SIRT2: variants seen among roughly 807,000 people sequenced by gnomAD.
The protein encoded by SIRT2 is sirtuin 2, also known as NAD-dependent protein deacetylase sirtuin-2.
SIRT2 carries 40 observed loss-of-function variants against 57.4 expected under a neutral mutation model. That is an observed-to-expected ratio of 0.70 (90% CI 0.54 to 0.91). SIRT2 has a LOEUF of 0.91. Ranked by LOEUF, SIRT2 falls within the 40% of genes least tolerant of loss-of-function variation. The probability of loss-of-function intolerance (pLI) is 0.00; values close to 1 mark genes in which losing one functional copy is unlikely to be tolerated. For synonymous variants in SIRT2, 161 were observed against 195.7 expected (o/e 0.82, Z 1.48); for missense variants, 439 against 510.4 (o/e 0.86, Z 1.35).
Position 38,889,113 on chromosome 19 carries a change from C to T in SIRT2, c.475G>A (p.Gly159Arg), listed in dbSNP as rs1316970707. 1 of 1,612,998 alleles carries T rather than the reference C, an allele frequency of 6.2e-7. No homozygotes were observed. Among genetic ancestry groups the T allele is most frequent in the Non-Finnish European group, 8.5e-7 (1 of 1,180,022 alleles). The change falls in exon 8 of 16, where the codon GGG becomes AGG. Residue 159 changes from glycine (G) to arginine (R), a missense_variant. Gly to Arg is a moderately radical substitution (Grantham distance 125). Coordinates refer to ENST00000249396, the MANE Select transcript of SIRT2 (RefSeq NM_012237.4). ...TGCGTGTAGCAGCGCAGGAGTAGCC[C>T]CTTGTCCTTCAGCAGGCGCATGAAG... is the stretch of plus-strand genomic sequence containing the variant. ...HYFMRLLKDK[G>R]LLLRCYTQNI...
chr19:38,884,452 G>GTT (rs1568398270), intron 8 of SIRT2, among the ~76,000 whole-genome samples: 1 of 151,686 alleles, frequency 6.6e-6, no homozygotes, highest in African/African-American at 2.4e-5. Flanking sequence ...TTGTTTGTTT[G>GTT]TTTGTTTGTT....
In SIRT2 at chr19:38,880,140, G is replaced by A. The variant is rs1274006349; in HGVS notation, c.877-438C>T. 5.2e-6 allele frequency: 1 copy of A among 190,966 alleles called. No individual in the cohort carries two copies. The allele number at this position is 190,966 out of a possible 1,614,324, so 11.8% of individuals were successfully genotyped here. On this transcript the variant is annotated intron_variant, in intron 13 of 15. Coordinates refer to ENST00000249396, the MANE Select transcript of SIRT2 (RefSeq NM_012237.4). The surrounding 1 kb of genome is among the most constrained non-coding windows in gnomAD (Gnocchi z 4.1). The stretch of plus-strand genomic sequence containing the variant: ...GCGCCCAGCCAGCTCAGTGACTTTG[G>A]TCAAGTGACTTGTCCTCTCTGTGTC...
intron 2 of SIRT2, chr19:38,894,964 C>T: frequency 4.4e-6 from 2 of 455,572 alleles, no homozygotes; most frequent in Admixed American, 4.7e-5. Flanking sequence ...CCTACTATGT[C>T]CCAAATGGAC....
chr19:38,886,244 T>A (rs1973333252), intron 8 of SIRT2, among the ~76,000 whole-genome samples: 1 of 152,164 alleles, frequency 6.6e-6, no homozygotes, highest in African/African-American at 2.4e-5. Context: ...AGAGTCACTG[T>A]CACTGTTCCC....
chr19:38,881,316 G>T, intron 10 of SIRT2, 116 bp downstream of exon 10: 2 of 1,197,080 alleles, frequency 1.7e-6, no homozygotes, highest in Non-Finnish European at 1.2e-6. Flanking sequence ...CTGGGGCACT[G>T]TTCAGAGAGA....
intron 1 of SIRT2, 125 bp downstream of exon 1, chr19:38,899,379 CAG>C: frequency 9.3e-7 from 1 of 1,071,208 alleles, no homozygotes; most frequent in Non-Finnish European, 1.4e-6. Context: ...CAACAGCCCT[CAG>C]AATCCCACTC....
At chr19:38,898,773 T>G in intron 1 of SIRT2, 1 of 234,260 alleles carries the variant, frequency 4.3e-6, no homozygotes, top group Non-Finnish European at 8.3e-6. Context: ...GCATGAGCCA[T>G]TGTTTCTGGC....
At chr19:38,895,197 G>A (rs1029024344) in intron 2 of SIRT2, among the ~76,000 whole-genome samples, 5 of 151,768 alleles carry the variant, frequency 3.3e-5, no homozygotes, top group African/African-American at 1.2e-4. Context: ...TCTCCTCCGG[G>A]GGTCCTGCCC....
In SIRT2 at chr19:38,899,573, C is replaced by A. The variant is rs1002030777; in HGVS notation, c.-52G>T. 6.2e-7 allele frequency: 1 copy of A among 1,613,080 alleles called. No individual in the cohort carries two copies. Among genetic ancestry groups the A allele is most frequent in the Non-Finnish European group, 8.5e-7 (1 of 1,179,322 alleles). On this transcript the variant is annotated 5_prime_UTR_variant, in exon 1 of 16. Coordinates refer to ENST00000249396, the MANE Select transcript of SIRT2 (RefSeq NM_012237.4). ...TGTCACCGACCGCTCTGTCCCGTCA[C>A]CAACCACTGTGTCCCGTCACCGACT...
At chr19:38,892,530 C>T (rs964507598) in intron 4 of SIRT2, among the ~76,000 whole-genome samples, 33 of 152,270 alleles carry the variant, frequency 2.2e-4, no homozygotes, top group African/African-American at 6.3e-4. Context: ...ATGTTCCAGG[C>T]CCTGCTCTAA....
chr19:38,893,552 G>C (rs372403696), intron 3 of SIRT2, 25 bp from the exon 4 acceptor site: 1 of 1,513,832 alleles, frequency 6.6e-7, no homozygotes, highest in African/African-American at 1.4e-5. Context: ...GAGAGACAGC[G>C]GCAGGACGGG....
rs200545932 is a variant in SIRT2, at chr19:38,889,170, G to A, written c.433-15C>T. The A allele has an allele frequency of 9.3e-6, 15 of 1,611,848 alleles. No individual in the cohort carries two copies. The highest frequency in any genetic ancestry group is 6.7e-5 in the East Asian group (3 of 44,874). On this transcript the variant is annotated splice_polypyrimidine_tract_variant and intron_variant, in intron 7 of 15. Coordinates refer to ENST00000249396, the MANE Select transcript of SIRT2 (RefSeq NM_012237.4). ...CAGATGGTTGGCTGCAGGGAAGAGC[G>A]ACAGCACTGCTGACGACTGCAGGGA... is the stretch of plus-strand genomic sequence containing the variant.
At chr19:38,885,290 G>C (rs1361602509) in intron 8 of SIRT2, among the ~76,000 whole-genome samples, 1 of 151,198 alleles carries the variant, frequency 6.6e-6, no homozygotes, top group Admixed American at 6.6e-5. Context: ...GAGATGGGGG[G>C]TGGGGTGGTC....
At chr19:38,897,293 C>A (rs1973746464) in intron 2 of SIRT2, among the ~76,000 whole-genome samples, 1 of 152,142 alleles carries the variant, frequency 6.6e-6, no homozygotes, top group African/African-American at 2.4e-5. Context: ...ACACATCACA[C>A]CCCTTCATGC....
At chr19:38,889,778 C>T (rs1973464836) in intron 6 of SIRT2, 33 bp from the exon 7 acceptor site, 1 of 1,614,010 alleles carries the variant, frequency 6.2e-7, no homozygotes. Flanking sequence ...GCCAGATGCC[C>T]CAGGTAGCGT....
At chr19:38,899,199 C>T (rs1973842021) in intron 1 of SIRT2, among the ~76,000 whole-genome samples, 1 of 152,170 alleles carries the variant, frequency 6.6e-6, no homozygotes, top group Admixed American at 6.5e-5. Flanking sequence ...CAATCAGGTA[C>T]CCATAGCAAG....
intron 14 of SIRT2, 29 bp from the exon 15 acceptor site, chr19:38,879,529 C>T (rs1036339783): frequency 6.3e-7 from 1 of 1,585,558 alleles, no homozygotes; most frequent in Non-Finnish European, 8.6e-7. Flanking sequence ...TCAGAGTTCC[C>T]AGGCGGGCTC....
At chr19:38,892,783 GC>G (rs1973585741) in intron 4 of SIRT2, among the ~76,000 whole-genome samples, 1 of 151,484 alleles carries the variant, frequency 6.6e-6, no homozygotes, top group South Asian at 2.1e-4. Flanking sequence ...TCACTATGTT[GC>G]CCAGGCTGGT....
chr19:38,882,357 G>A (rs1464832884), intron 9 of SIRT2, among the ~76,000 whole-genome samples: 3 of 152,100 alleles, frequency 2.0e-5, no homozygotes, highest in African/African-American at 4.8e-5. Context: ...ATTTCTGGCC[G>A]GGTGTGGTGG....
Sources: allele counts gnomAD v4.1 joint callset (sites outside exome capture counted in the v4.1 genomes callset), GRCh38; gene constraint gnomAD v4.1.1; non-coding constraint Gnocchi (gnomAD v3.1); transcripts MANE v1.5; gene names NCBI Gene and HGNC (gene_info 2026-07-23, HGNC 2026-07-21).